Variants in MCRIP2 observed in about 807,000 individuals in gnomAD.
MCRIP2 encodes MAPK regulated co-repressor interacting protein 2.
Under a neutral mutation model 23.2 loss-of-function variants are expected in MCRIP2, and 21 were observed. The ratio of observed to expected loss-of-function variants is 0.90; its 90% CI spans 0.64 to 1.30. The LOEUF (loss-of-function observed/expected upper bound fraction) is 1.30, where lower values mean the gene tolerates loss of function less well. Among genes scored for constraint, MCRIP2 ranks in the 50% most tolerant of loss-of-function variants. The pLI, the probability that MCRIP2 is intolerant of heterozygous loss-of-function variation, is 0.00. For missense variants in MCRIP2, 234 were observed against 223.2 expected (o/e 1.05, Z -0.31); for synonymous variants, 121 against 100.2 (o/e 1.21, Z -1.24).
intron 2 of MCRIP2, 39 bp downstream of exon 2, chr16:642,288 T>G (rs2037365292): frequency 8.7e-7 from 1 of 1,148,592 alleles, no homozygotes; most frequent in South Asian, 4.2e-5. Context: ...CGGCCCGGCT[T>G]CCCCTCCCCC....
chr16:647,640 A>G (rs1332413497), intron 3 of MCRIP2, 96 bp downstream of exon 3: 2 of 1,547,254 alleles, frequency 1.3e-6, no homozygotes, highest in Non-Finnish European at 1.8e-6. Context: ...CAGCCGCTGC[A>G]TGGCTGTGCT....
intron 2 of MCRIP2, chr16:643,266 A>G (rs1253764569): frequency 6.6e-6 from 1 of 152,140 alleles, no homozygotes; most frequent in Admixed American, 6.5e-5. Flanking sequence ...TGGCCGCTCT[A>G]CTTCCCAGGG....
rs2037359013 is a variant in MCRIP2 at position 642,180 on chromosome 16, C to A, written c.113C>A (p.Ala38Glu). 38 of 1,339,610 alleles carry A rather than the reference C, an allele frequency of 2.8e-5. No homozygotes were observed. The highest frequency in any genetic ancestry group is 6.1e-5 in the Admixed American group (2 of 32,860). 83.0% of individuals were successfully genotyped at this position (1,339,610 alleles called of 1,614,324 possible). A position where few individuals can be genotyped will look rare whatever the true frequency, so the allele number is the denominator to read the frequency against. Reference protein sequence around the residue: ...LGELLKCRQPAPPTSQPPRAQ... With the variant: ...LGELLKCRQPEPPTSQPPRAQ... ...GAGCTCCTGAAATGCCGGCAGCCCG[C>A]GCCGCCGACCTCGCAGCCCCCGCGG... Residue 38 changes from alanine to glutamate, a missense_variant, in exon 2 of 5, where the codon GCG (alanine) becomes GAG (glutamate). By Grantham distance (107) the Ala-to-Glu change is moderately radical. Transcript: ENST00000307650.
intron 2 of MCRIP2, chr16:647,063 G>T: frequency 3.3e-6 from 1 of 303,392 alleles, no homozygotes; most frequent in Non-Finnish European, 6.3e-6. Flanking sequence ...AATCTGGGCT[G>T]CTGATGGGAT....
At chr16:642,065 G>A in intron 1 of MCRIP2, 22 bp downstream of exon 1, 1 of 1,319,234 alleles carries the variant, frequency 7.6e-7, no homozygotes, top group Non-Finnish European at 9.6e-7. Context: ...CCGGGGAACG[G>A]GAACGGGGAC....
In MCRIP2 at chr16:641,978, G is replaced by A. The variant is rs1027419617; in HGVS notation, c.-14G>A. 7.6e-7 allele frequency: 1 copy of A among 1,315,894 alleles called. No individual in the cohort carries two copies. Among genetic ancestry groups the A allele is most frequent in the Admixed American group, 4.0e-5 (1 of 25,300 alleles). The allele number at this position is 1,315,894 out of a possible 1,614,324, so 81.5% of individuals were successfully genotyped here. A position where few individuals can be genotyped will look rare whatever the true frequency, so the allele number is the denominator to read the frequency against. ...TCTGGCCGGGGGCCGGCGGCGGTGT[G>A]GGAGCGGCGCGTCATGTACACCATC... On this transcript the variant is annotated 5_prime_UTR_variant, in exon 1 of 5. Coordinates refer to ENST00000307650, the MANE Select transcript of MCRIP2 (RefSeq NM_138418.4).
intron 2 of MCRIP2, chr16:643,093 G>C (rs1026115236): frequency 1.2e-4 from 18 of 152,456 alleles, no homozygotes; most frequent in Admixed American, 1.0e-3. Flanking sequence ...CTCTCAGAAA[G>C]GTGTGGAGGT....
rs1475956601 is a variant in MCRIP2, at chr16:648,104, C to T, written c.413-16C>T. On this transcript the variant is annotated splice_polypyrimidine_tract_variant and intron_variant, in intron 4 of 4. Transcript: ENST00000307650. ...CCTGGGAGGCAGCATCACTGCCCAGCCTTCTCTGCCCACAGACTTTGTGCC... is the reference window on the plus strand; with the variant it reads ...CCTGGGAGGCAGCATCACTGCCCAGTCTTCTCTGCCCACAGACTTTGTGCC... 6 of 1,587,922 alleles carry T rather than the reference C, an allele frequency of 3.8e-6. No individual in the cohort carries two copies. The highest frequency in any genetic ancestry group is 4.3e-6 in the Non-Finnish European group (5 of 1,163,728).
rs377381872 is a variant in MCRIP2 at position 647,529 on chromosome 16, C to T, written c.295C>T (p.Arg99Cys). 38 of 1,613,216 alleles carry T rather than the reference C, an allele frequency of 2.4e-5. No individual in the cohort carries two copies. Among genetic ancestry groups the T allele is most frequent in the South Asian group, 5.5e-5 (5 of 91,084 alleles). ...TYTVAHEENV[R>C]FVSEAWQQVQ... is the part of the protein sequence containing the mutation. ...CACAGTGGCCCACGAGGAGAATGTC[C>T]GCTTTGTGTCCGAAGGTAGCGAGCG... The change falls in exon 3 of 5, where the codon CGC becomes TGC. Residue 99 changes from arginine to cysteine, a missense_variant. Coordinates refer to ENST00000307650, the MANE Select transcript of MCRIP2 (RefSeq NM_138418.4).
rs2037356283 is a variant in MCRIP2, at chr16:642,108, C to CCCGGT, written c.53-12_53-11insCCGGT. ...GGCGCGGCGGCGGCTGACCGCCCCC[C>CCCGGT]GGTGCCCGCAGGTCCCACGCAGCAG... On this transcript the variant is annotated splice_polypyrimidine_tract_variant and intron_variant, in intron 1 of 4. Transcript: ENST00000307650. The CCCGGT allele has an allele frequency of 7.5e-7, 1 of 1,337,074 alleles. No homozygotes were observed. Among genetic ancestry groups the CCCGGT allele is most frequent in the Non-Finnish European group, 9.6e-7 (1 of 1,046,010 alleles). The allele number at this position is 1,337,074 out of a possible 1,614,324, so 82.8% of individuals were successfully genotyped here. A position where few individuals can be genotyped will look rare whatever the true frequency, so the allele number is the denominator to read the frequency against.
In MCRIP2 at chr16:644,383, C is replaced by T. The variant is rs2037426485; in HGVS notation, c.182+2134C>T. 2.0e-5 allele frequency among the ~76,000 whole-genome samples: 3 copies of T among 152,162 alleles called. No homozygotes were observed. In the South Asian group the frequency reaches 6.2e-4, roughly 32 times the overall value. On this transcript the variant is annotated intron_variant, in intron 2 of 4. Transcript: ENST00000307650. ...GGCGTGAACCACCGTGCTTGGCCAA[C>T]CACCTTCCCTCTGAACCACCCCACC... is the stretch of plus-strand genomic sequence containing the variant.
In MCRIP2 at chr16:642,199, C is replaced by G. The variant is rs1041860041; in HGVS notation, c.132C>G (p.Pro44=). The part of the protein sequence containing the change: ...CRQPAPPTSQ[P]PRAQPFAQPP... ...AGCCCGCGCCGCCGACCTCGCAGCC[C>G]CCGCGGGCGCAGCCCTTTGCGCAGC... Residue 44 remains proline (P), a synonymous_variant, in exon 2 of 5, where the codon CCC becomes CCG. Transcript: ENST00000307650. The G allele has an allele frequency of 2.3e-6, 3 of 1,319,030 alleles. No individual in the cohort carries two copies. In the African/African-American group the frequency reaches 4.6e-5, roughly 20 times the overall value. 81.7% of individuals were successfully genotyped at this position (1,319,030 alleles called of 1,614,324 possible). A position where few individuals can be genotyped will look rare whatever the true frequency, so the allele number is the denominator to read the frequency against.
rs561328460 is a variant in MCRIP2 at position 646,350 on chromosome 16, G to T, written c.183-1067G>T. On this transcript the variant is annotated intron_variant, in intron 2 of 4. Coordinates refer to ENST00000307650, the MANE Select transcript of MCRIP2 (RefSeq NM_138418.4). The surrounding 1 kb of genome is among the most constrained non-coding windows in gnomAD (Gnocchi z 6.5). ...ACTCAGGCAGCGGGCAGGCCTGGGA[G>T]GTGCCCCTGCCCCTGTCCCATCTCC... is the stretch of plus-strand genomic sequence containing the variant. 1.3e-5 allele frequency: 2 copies of T among 152,322 alleles called. No individual in the cohort carries two copies. The highest frequency in any genetic ancestry group is 4.1e-4 in the South Asian group (2 of 4,826). 9.4% of individuals were successfully genotyped at this position (152,322 alleles called of 1,614,324 possible).
In MCRIP2 at chr16:642,111, T is replaced by G. The variant is rs1159575434; in HGVS notation, c.53-9T>G. On this transcript the variant is annotated splice_polypyrimidine_tract_variant and intron_variant, in intron 1 of 4. Transcript: ENST00000307650. Reference sequence around the variant, plus strand: ...GCGGCGGCGGCTGACCGCCCCCCGGTGCCCGCAGGTCCCACGCAGCAGCAG... The same window carrying G: ...GCGGCGGCGGCTGACCGCCCCCCGGGGCCCGCAGGTCCCACGCAGCAGCAG... The G allele has an allele frequency of 7.5e-7, 1 of 1,339,760 alleles. No homozygotes were observed. The highest frequency in any genetic ancestry group is 2.8e-4 in the Middle Eastern group (1 of 3,604). The allele number at this position is 1,339,760 out of a possible 1,614,324, so 83.0% of individuals were successfully genotyped here. A position where few individuals can be genotyped will look rare whatever the true frequency, so the allele number is the denominator to read the frequency against.
intron 2 of MCRIP2, among the ~76,000 whole-genome samples, chr16:644,332 C>T (rs1167147308): frequency 2.0e-5 from 3 of 152,244 alleles, no homozygotes; most frequent in African/African-American, 4.8e-5. Flanking sequence ...GCGCCCACCT[C>T]GGCCTCCCAG....
chr16:641,943 AG>A lies in MCRIP2; in HGVS notation c.-45del. Reference sequence around the variant, plus strand: ...GTCCGTTAAGTGCGAGCCCCGGCGCAGGGGCCGGATCTGGCCGGGGGCCGGC... The same window carrying A: ...GTCCGTTAAGTGCGAGCCCCGGCGCAGGGCCGGATCTGGCCGGGGGCCGGC... On this transcript the variant is annotated 5_prime_UTR_variant, in exon 1 of 5. Transcript: ENST00000307650. 1 of 1,279,186 alleles carries A rather than the reference AG, an allele frequency of 7.8e-7. No individual in the cohort carries two copies. Among genetic ancestry groups the A allele is most frequent in the Middle Eastern group, 2.8e-4 (1 of 3,612 alleles). 79.2% of individuals were successfully genotyped at this position (1,279,186 alleles called of 1,614,324 possible). A position where few individuals can be genotyped will look rare whatever the true frequency, so the allele number is the denominator to read the frequency against.
intron 2 of MCRIP2, 44 bp downstream of exon 2, chr16:642,293 TC>T (rs1567207885): frequency 8.7e-7 from 1 of 1,144,576 alleles, no homozygotes; most frequent in Non-Finnish European, 1.1e-6. Context: ...CGGCTTCCCC[TC>T]CCCCGCCGGC....
rs995786268 is a variant in MCRIP2, at chr16:648,314, T to C, written c.*124T>C. The C allele has an allele frequency of 2.1e-5, 21 of 1,010,222 alleles. No homozygotes were observed. Among genetic ancestry groups the C allele is most frequent in the East Asian group, 7.9e-5 (3 of 37,986 alleles). The allele number at this position is 1,010,222 out of a possible 1,614,324, so 62.6% of individuals were successfully genotyped here. On this transcript the variant is annotated 3_prime_UTR_variant, in exon 5 of 5. Coordinates refer to ENST00000307650, the MANE Select transcript of MCRIP2 (RefSeq NM_138418.4). Reference sequence around the variant, plus strand: ...ACCTGAAGTGCCAGCATTTGGACTTTTGCACCTTTTTTTCCCTTGGCCCGG... The same window carrying C: ...ACCTGAAGTGCCAGCATTTGGACTTCTGCACCTTTTTTTCCCTTGGCCCGG...
chr16:647,963 C>A (rs13380608), intron 4 of MCRIP2, 79 bp downstream of exon 4: 4 of 1,204,978 alleles, frequency 3.3e-6, no homozygotes, highest in Admixed American at 2.2e-5. Flanking sequence ...CAGGTTCCCA[C>A]CCCAGGGGAT....
Sources: allele counts gnomAD v4.1 joint callset (sites outside exome capture counted in the v4.1 genomes callset), GRCh38; gene constraint gnomAD v4.1.1; non-coding constraint Gnocchi (gnomAD v3.1); transcripts MANE v1.5; gene names NCBI Gene and HGNC (gene_info 2026-07-23, HGNC 2026-07-21).